The following NCBP1 variants were observed in gnomAD, a reference collection of about 807,000 sequenced individuals.
NCBP1 encodes nuclear cap binding protein subunit 1, also known as nuclear cap-binding protein subunit 1.
NCBP1 carries 16 observed loss-of-function variants against 111.7 expected under a neutral mutation model. The ratio of observed to expected loss-of-function variants is 0.14; its 90% confidence interval spans 0.10 to 0.22. The LOEUF (loss-of-function observed/expected upper bound fraction) is 0.22, where lower values mean the gene tolerates loss of function less well. Among genes scored for constraint, NCBP1 ranks in the 10% least tolerant of loss-of-function variants. The pLI, the probability that NCBP1 is intolerant of heterozygous loss-of-function variation, is 1.00. For synonymous variants in NCBP1, 304 were observed against 314.3 expected, an observed-to-expected ratio of 0.97 and a Z score of 0.35; for missense variants, 607 against 957.5, an observed-to-expected ratio of 0.63 and a Z score of 4.83.
At chr9:97,658,767 T>C (rs1827745224) in intron 15 of NCBP1, 24 bp downstream of exon 15, 6 of 1,514,956 alleles carry the variant, frequency 4.0e-6, no homozygotes, top group Non-Finnish European at 4.6e-6. Context: ...CTAATCCCTC[T>C]GTCTTTAAAA....
intron 7 of NCBP1, 86 bp from the exon 8 acceptor site, chr9:97,647,922 C>T (rs984229776): frequency 2.6e-6 from 3 of 1,144,766 alleles, no homozygotes; most frequent in African/African-American, 3.1e-5. Context: ...ACTTTTGTAT[C>T]CTGTATTTTA....
At chr9:97,658,091 T>G (rs1224028484) in intron 14 of NCBP1, among the ~76,000 whole-genome samples, 1 of 151,978 alleles carries the variant, frequency 6.6e-6, no homozygotes, top group Non-Finnish European at 1.5e-5. Context: ...ATATGGTATT[T>G]AGGAGCCAAG....
rs1827742046 is a variant in NCBP1, at chr9:97,658,677, C to A, written c.1411C>A (p.Pro471Thr). 6.2e-7 allele frequency: 1 copy of A among 1,613,254 alleles called. No homozygotes were observed. Among genetic ancestry groups the A allele is most frequent in the African/African-American group, 1.3e-5 (1 of 74,802 alleles). The change falls in exon 15 of 23, where the codon CCT becomes ACT. Residue 471 changes from proline (P) to threonine (T), a missense_variant. Physicochemically the swap from Pro to Thr is conservative, Grantham distance 38 (BLOSUM62 -1). This residue lies in a region of NCBP1 where 282 missense variants were observed against 376.5 expected (regional missense o/e 0.75). Coordinates refer to ENST00000375147, the MANE Select transcript of NCBP1 (RefSeq NM_002486.5). The part of the protein sequence containing the change: ...YHQRILDIVP[P>T]TFSALCPANP... ...TCAGCGTATATTAGATATTGTTCCT[C>A]CTACCTTCTCAGCTCTGTGTCCTGC...
Position 97,648,211 on chromosome 9 carries a change from A to C in NCBP1, c.885A>C (p.Thr295=), listed in dbSNP as rs1263026404. Residue 295 remains threonine (T), a synonymous_variant, in exon 8 of 23, where the codon ACA becomes ACC. Transcript: ENST00000375147. ...TCATCTTCAGAATGTTTGATTACAC[A>C]GATGATCCCGAGGTAAGTGACCGAC... is the stretch of plus-strand genomic sequence containing the variant. ...PRVIFRMFDY[T]DDPEGPVMPG... The C allele has an allele frequency of 1.2e-6, 2 of 1,614,102 alleles. No individual in the cohort carries two copies. Among genetic ancestry groups the C allele is most frequent in the Non-Finnish European group, 1.7e-6 (2 of 1,179,960 alleles).
At position 97,645,618 on chromosome 9, in the gene NCBP1, G is replaced by A. The variant is rs751335902; in HGVS notation, c.497G>A (p.Arg166Gln). The A allele has an allele frequency of 1.2e-5, 20 of 1,613,054 alleles. 1 individual carries two copies. Among genetic ancestry groups the A allele is most frequent in the South Asian group, 4.4e-5 (4 of 90,884 alleles). The change falls in exon 6 of 23, where the codon CGA becomes CAA. Residue 166 changes from arginine to glutamine, a missense_variant. Physicochemically the swap from Arg to Gln is conservative, Grantham distance 43 (BLOSUM62 1). Transcript: ENST00000375147. ...TQEEDVPQVR[R>Q]DWYVYAFLSS... ...TTTTTAAAAATCCTTTAGGTGCGAC[G>A]AGATTGGTATGTGTATGCATTTCTG...
chr9:97,637,624 T>C (rs1827083431), intron 1 of NCBP1, among the ~76,000 whole-genome samples: 1 of 145,466 alleles, frequency 6.9e-6, no homozygotes, highest in Non-Finnish European at 1.5e-5. Flanking sequence ...TCAGAAGTGA[T>C]GGTTGCCTGT....
At chr9:97,638,852 C>T (rs1827124505) in intron 1 of NCBP1, among the ~76,000 whole-genome samples, 1 of 151,288 alleles carries the variant, frequency 6.6e-6, no homozygotes, top group African/African-American at 2.4e-5. Flanking sequence ...GCCAGATGAC[C>T]ACTGGGGGCA....
At chr9:97,658,609 A>G in intron 14 of NCBP1, 31 bp from the exon 15 acceptor site, 1 of 1,519,056 alleles carries the variant, frequency 6.6e-7, no homozygotes, top group East Asian at 2.3e-5. Flanking sequence ...CTGATAAAAG[A>G]TATTTTCTGA....
In NCBP1 at chr9:97,643,324, A is replaced by G. The variant is rs1422826337; in HGVS notation, c.345A>G (p.Ser115=). The part of the protein sequence containing the change: ...VEAMIRQLKE[S]LKANNYNEAV... ...CCATGATTCGTCAACTTAAAGAATC[A>G]TTGAAAGCAAACAATTATAATGAAG... Residue 115 remains serine (S), a synonymous_variant, in exon 4 of 23, where the codon TCA becomes TCG. Transcript: ENST00000375147. 1 of 1,606,024 alleles carries G rather than the reference A, an allele frequency of 6.2e-7. No individual in the cohort carries two copies. Among genetic ancestry groups the G allele is most frequent in the African/African-American group, 1.3e-5 (1 of 74,434 alleles).
intron 18 of NCBP1, among the ~76,000 whole-genome samples, chr9:97,663,828 T>G (rs532308232): frequency 2.6e-5 from 4 of 151,938 alleles, no homozygotes; most frequent in African/African-American, 9.7e-5. Flanking sequence ...AGTTTTTGTT[T>G]AGTCAACCTG....
chr9:97,660,827 A>C (rs1683980812), intron 15 of NCBP1, 119 bp from the exon 16 acceptor site: 2 of 1,189,140 alleles, frequency 1.7e-6, no homozygotes, highest in Non-Finnish European at 2.3e-6. Context: ...CTTGGGATAA[A>C]GAGCATCCTA....
Position 97,658,624 on chromosome 9 carries a change from G to A in NCBP1, c.1374-16G>A, listed in dbSNP as rs1564025995. On this transcript the variant is annotated splice_polypyrimidine_tract_variant and intron_variant, in intron 14 of 22. Coordinates refer to ENST00000375147, the MANE Select transcript of NCBP1 (RefSeq NM_002486.5). Reference sequence around the variant, plus strand: ...CTGATAAAAGATATTTTCTGAGGCTGTTATTTGTATTGTAGGTTGTCTTAC... The same window carrying A: ...CTGATAAAAGATATTTTCTGAGGCTATTATTTGTATTGTAGGTTGTCTTAC... 3.2e-6 allele frequency: 5 copies of A among 1,562,780 alleles called. No individual in the cohort carries two copies. The East Asian group carries it at 9.0e-5, about 28-fold the overall frequency.
At chr9:97,666,047 A>G (rs1827994136) in intron 19 of NCBP1, among the ~76,000 whole-genome samples, 1 of 152,210 alleles carries the variant, frequency 6.6e-6, no homozygotes, top group Non-Finnish European at 1.5e-5. Context: ...CCATGTGTAA[A>G]TGGACCTGCA....
At chr9:97,651,257 G>C in intron 9 of NCBP1, 53 bp from the exon 10 acceptor site, 1 of 1,472,494 alleles carries the variant, frequency 6.8e-7, no homozygotes, top group South Asian at 1.3e-5. Flanking sequence ...CTGCTTATTT[G>C]ACTTTTCTTG....
At chr9:97,669,063 G>T (rs1477698490) in intron 21 of NCBP1, 89 bp downstream of exon 21, 1 of 1,359,816 alleles carries the variant, frequency 7.4e-7, no homozygotes, top group Non-Finnish European at 1.0e-6. Flanking sequence ...CATTGTAAAA[G>T]GAATACACAT....
rs1458171576 is a variant in NCBP1 at position 97,673,147 on chromosome 9, T to C, written c.*1948T>C. The C allele has an allele frequency of 6.6e-6, 1 of 152,178 alleles. No homozygotes were observed. The highest frequency in any genetic ancestry group is 1.5e-5 in the Non-Finnish European group (1 of 68,050). 9.4% of individuals were successfully genotyped at this position (152,178 alleles called of 1,614,324 possible). A position where few individuals can be genotyped will look rare whatever the true frequency, so the allele number is the denominator to read the frequency against. ...TGTCTCAAAAAAGAAAAAAAATATA[T>C]AGCATATAACATACAAAATGAGTTT... On this transcript the variant is annotated 3_prime_UTR_variant, in exon 23 of 23. Transcript: ENST00000375147.
At chr9:97,661,955 G>A in intron 16 of NCBP1, 87 bp from the exon 17 acceptor site, 2 of 864,310 alleles carry the variant, frequency 2.3e-6, no homozygotes, top group East Asian at 5.2e-5. Context: ...GTATAGATGT[G>A]AGCAACCATC....
chr9:97,652,921 G>GT (rs1699209178), intron 10 of NCBP1, among the ~76,000 whole-genome samples: 1 of 152,178 alleles, frequency 6.6e-6, no homozygotes, highest in African/African-American at 2.4e-5. Flanking sequence ...ATAGGTAAGA[G>GT]TAAAGGATGC....
intron 16 of NCBP1, among the ~76,000 whole-genome samples, chr9:97,661,590 G>A (rs1827835472): frequency 6.6e-6 from 1 of 151,916 alleles, no homozygotes; most frequent in Admixed American, 6.6e-5. Context: ...GTGGCCTTTG[G>A]GTATTTATTA....
Sources: gnomAD v4.1 joint callset for allele counts (sites outside exome capture counted in the v4.1 genomes callset) on GRCh38, gnomAD v4.1.1 for gene constraint, gnomAD v4.1.1 regional missense constraint, MANE v1.5 for transcripts, NCBI Gene and HGNC (gene_info 2026-07-23, HGNC 2026-07-21) for gene names.